Variants in ZC3H8 observed in about 807,000 individuals in gnomAD.
The protein encoded by ZC3H8 is zinc finger CCCH-type containing 8.
In ZC3H8, 27 loss-of-function variants were observed where a neutral mutation model predicts 42.5. The observed-to-expected ratio is 0.64, with a 90% confidence interval of 0.47 to 0.88. The LOEUF (loss-of-function observed/expected upper bound fraction) is 0.88. ZC3H8 is among the 40% of genes least tolerant of loss of function. The pLI, the probability that ZC3H8 is intolerant of heterozygous loss-of-function variation, is 0.00. For missense variants in ZC3H8, 277 were observed against 336.1 expected (o/e 0.82, Z 1.37); for synonymous variants, 101 against 110.1 (o/e 0.92, Z 0.52).
intron 8 of ZC3H8, among the ~76,000 whole-genome samples, chr2:112,222,611 TG>T (rs1189365668): frequency 6.6e-6 from 1 of 152,194 alleles, no homozygotes; most frequent in East Asian, 1.9e-4. Flanking sequence ...AATAGGATGG[TG>T]GTGACAGAAA....
intron 2 of ZC3H8, among the ~76,000 whole-genome samples, chr2:112,243,244 G>A (rs960011290): frequency 1.3e-5 from 2 of 152,190 alleles, no homozygotes; most frequent in African/African-American, 2.4e-5. Flanking sequence ...GACTTTAAGT[G>A]CTTCAAAATC....
intron 3 of ZC3H8, 115 bp from the exon 4 acceptor site, chr2:112,236,810 G>T: frequency 1.0e-6 from 1 of 974,946 alleles, no homozygotes; most frequent in Non-Finnish European, 1.5e-6. Flanking sequence ...TCTTTGGGAG[G>T]CTGAGGCAGG....
At chr2:112,252,444 G>C (rs889569028) in intron 1 of ZC3H8, among the ~76,000 whole-genome samples, 6 of 152,124 alleles carry the variant, frequency 3.9e-5, no homozygotes, top group African/African-American at 1.4e-4. Flanking sequence ...AATCCAAGCT[G>C]CTCTGGCACC....
chr2:112,220,040 G>A (rs748120306), intron 8 of ZC3H8, among the ~76,000 whole-genome samples: 4 of 152,138 alleles, frequency 2.6e-5, no homozygotes, highest in Non-Finnish European at 4.4e-5. Context: ...GCCTAAGGGC[G>A]TCATTGCATG....
chr2:112,251,658 C>T (rs940169146), intron 1 of ZC3H8, among the ~76,000 whole-genome samples: 38 of 152,176 alleles, frequency 2.5e-4, no homozygotes, highest in South Asian at 8.3e-4. Flanking sequence ...GCCCATTTTA[C>T]GGATGAGAAA....
In ZC3H8 at chr2:112,232,049, C is replaced by G. The variant is rs559734901; in HGVS notation, c.734-102G>C. 6.2e-4 allele frequency: 374 copies of G among 607,948 alleles called. 1 individual carries two copies. The highest frequency in any genetic ancestry group is 8.7e-4 in the Non-Finnish European group (340 of 389,044). The allele number at this position is 607,948 out of a possible 1,614,324, so 37.7% of individuals were successfully genotyped here. A position where few individuals can be genotyped will look rare whatever the true frequency, so the allele number is the denominator to read the frequency against. On this transcript the variant is annotated intron_variant, in intron 6 of 8. Coordinates refer to ENST00000409573, the MANE Select transcript of ZC3H8 (RefSeq NM_032494.3). ...CTAAATAAAGACCTCTGTGGCCGGG[C>G]GAGGTGGCTCATGCCTGTAGGAGGC...
chr2:112,229,475 T>C (rs935274176), intron 8 of ZC3H8, among the ~76,000 whole-genome samples: 2 of 152,230 alleles, frequency 1.3e-5, no homozygotes, highest in Non-Finnish European at 2.9e-5. Context: ...CAATGGGTTA[T>C]AAGTAAATGT....
intron 3 of ZC3H8, 32 bp from the exon 4 acceptor site, chr2:112,236,727 A>G (rs1685351997): frequency 2.6e-6 from 4 of 1,555,008 alleles, no homozygotes; most frequent in Non-Finnish European, 3.5e-6. Context: ...AAAAAATGAC[A>G]TAAAGTTACA....
Position 112,211,728 on chromosome 2 carries a change from T to TA in ZC3H8, c.*4755dup, listed in dbSNP as rs1469200022. 6.7e-6 allele frequency: 1 copy of TA among 150,104 alleles called. No individual in the cohort carries two copies. The highest frequency in any genetic ancestry group is 2.0e-4 in the East Asian group (1 of 5,122). The allele number at this position is 150,104 out of a possible 1,614,324, so 9.3% of individuals were successfully genotyped here. A position where few individuals can be genotyped will look rare whatever the true frequency, so the allele number is the denominator to read the frequency against. ...ATGTTAAATAATGTGTAGCTCAGAG[T>TA]AACATACAATAACTAAAAACATGTC... On this transcript the variant is annotated 3_prime_UTR_variant, in exon 9 of 9. Coordinates refer to ENST00000409573, the MANE Select transcript of ZC3H8 (RefSeq NM_032494.3).
Position 112,212,492 on chromosome 2 carries a change from A to G in ZC3H8, c.*3992T>C, listed in dbSNP as rs948253343. 4.6e-5 allele frequency: 7 copies of G among 152,232 alleles called. No homozygotes were observed. Among genetic ancestry groups the G allele is most frequent in the African/African-American group, 1.4e-4 (6 of 41,464 alleles). The allele number at this position is 152,232 out of a possible 1,614,324, so 9.4% of individuals were successfully genotyped here. Reference sequence around the variant, plus strand: ...AATGTAGGTTTGCTTCTTAGTTCACATTTATTAGTTTCCCTTTGGCTGCAG... The same window carrying G: ...AATGTAGGTTTGCTTCTTAGTTCACGTTTATTAGTTTCCCTTTGGCTGCAG... On this transcript the variant is annotated 3_prime_UTR_variant, in exon 9 of 9. Coordinates refer to ENST00000409573, the MANE Select transcript of ZC3H8 (RefSeq NM_032494.3).
chr2:112,239,579 C>CTTTTTTTT lies in ZC3H8; in HGVS notation c.157-1059_157-1052dup, dbSNP rs200972008. 9.9e-4 allele frequency among the ~76,000 whole-genome samples: 86 copies of CTTTTTTTT among 86,482 alleles called. 2 individuals carry two copies. Among genetic ancestry groups the CTTTTTTTT allele is most frequent in the Non-Finnish European group, 1.6e-3 (72 of 45,850 alleles). 56.7% of individuals were successfully genotyped at this position (86,482 alleles called of 152,430 possible). A position where few individuals can be genotyped will look rare whatever the true frequency, so the allele number is the denominator to read the frequency against. ...TTAGGTGGCCCAATTTAACAGTTTACTTTTTTTTTTTTTTTTTTTTTTTTT... is the reference window on the plus strand; with the variant it reads ...TTAGGTGGCCCAATTTAACAGTTTACTTTTTTTTTTTTTTTTTTTTTTTTTTTTTTTTT... On this transcript the variant is annotated intron_variant, in intron 2 of 8. Coordinates refer to ENST00000409573, the MANE Select transcript of ZC3H8 (RefSeq NM_032494.3).
chr2:112,253,360 T>C (rs1231653244), intron 1 of ZC3H8, among the ~76,000 whole-genome samples: 1 of 152,168 alleles, frequency 6.6e-6, no homozygotes, highest in Non-Finnish European at 1.5e-5. Flanking sequence ...AGGTGCTCAA[T>C]ACGATTTTTT....
intron 1 of ZC3H8, among the ~76,000 whole-genome samples, chr2:112,253,141 A>T (rs1686013608): frequency 1.4e-5 from 2 of 143,150 alleles, no homozygotes; most frequent in Admixed American, 6.8e-5. Context: ...TCAAAAAAAT[A>T]AAAAAAAAAC....
At position 112,254,494 on chromosome 2, in the gene ZC3H8, CAGTGAA is replaced by C. The variant is rs1253004979; in HGVS notation, c.74+408_74+413del. 1.1e-4 allele frequency among the ~76,000 whole-genome samples: 16 copies of C among 152,318 alleles called. No homozygotes were observed. In the East Asian group the frequency reaches 3.1e-3, roughly 29 times the overall value. On this transcript the variant is annotated intron_variant, in intron 1 of 8. Transcript: ENST00000409573. The stretch of plus-strand genomic sequence containing the variant: ...CTACAGAAAAGAACCTAGGAGGTGT[CAGTGAA>C]AAAGGTCACATCAGTGTCCTCTGGG...
intron 3 of ZC3H8, 35 bp downstream of exon 3, chr2:112,238,280 A>ATAAACTT (rs1685433767): frequency 6.3e-7 from 1 of 1,597,188 alleles, no homozygotes; most frequent in Non-Finnish European, 8.5e-7. Context: ...GCTTCTCTAG[A>ATAAACTT]TAAACTTTAA....
At chr2:112,216,755 A>G (rs1684344427) in intron 8 of ZC3H8, among the ~76,000 whole-genome samples, 2 of 152,032 alleles carry the variant, frequency 1.3e-5, no homozygotes, top group South Asian at 4.1e-4. Flanking sequence ...GAAAAAAATT[A>G]TATTACAAAT....
At chr2:112,237,229 T>A (rs1319752106) in intron 3 of ZC3H8, among the ~76,000 whole-genome samples, 1 of 152,204 alleles carries the variant, frequency 6.6e-6, no homozygotes, top group Non-Finnish European at 1.5e-5. Context: ...TCATTGTTTT[T>A]AAAAATATAT....
intron 1 of ZC3H8, among the ~76,000 whole-genome samples, chr2:112,254,361 G>A (rs1315116901): frequency 1.3e-5 from 2 of 152,208 alleles, no homozygotes. Flanking sequence ...TCCAAATGAC[G>A]TCTGTTGCTT....
At chr2:112,242,546 T>C (rs1385784024) in intron 2 of ZC3H8, among the ~76,000 whole-genome samples, 1 of 152,198 alleles carries the variant, frequency 6.6e-6, no homozygotes, top group African/African-American at 2.4e-5. Context: ...CAGAGCATAC[T>C]TACCACATCA....
Sources: gnomAD v4.1 joint callset for allele counts (sites outside exome capture counted in the v4.1 genomes callset) on GRCh38, gnomAD v4.1.1 for gene constraint, MANE v1.5 for transcripts, NCBI Gene and HGNC (gene_info 2026-07-23, HGNC 2026-07-21) for gene names.